DDX19B: variants seen among roughly 807,000 people sequenced by gnomAD.
DDX19B encodes DEAD-box helicase 19B.
In DDX19B, 27 loss-of-function variants were observed where a neutral mutation model predicts 58.1. That is an observed-to-expected ratio of 0.46 (90% CI 0.34 to 0.64). The LOEUF is 0.64. Among genes scored for constraint, DDX19B ranks in the 30% least tolerant of loss-of-function variants. The pLI is 0.01. For missense variants in DDX19B, 399 were observed against 596.5 expected (o/e 0.67, Z 3.45); for synonymous variants, 187 against 214.4 (o/e 0.87, Z 1.12).
intron 1 of DDX19B, among the ~76,000 whole-genome samples, chr16:70,300,248 C>A (rs1039460209): frequency 2.0e-5 from 3 of 152,004 alleles, no homozygotes; most frequent in African/African-American, 7.3e-5. Flanking sequence ...CTCTGTTGCC[C>A]AGGCTAGGGT....
chr16:70,294,648 T>A, upstream of DDX19B: 1 of 438,414 alleles, frequency 2.3e-6, no homozygotes, highest in Non-Finnish European at 4.0e-6. Context: ...AGCCAGACAT[T>A]TAGCAGGAAA....
In DDX19B at chr16:70,313,561, T is replaced by C. The variant is rs1377162502; in HGVS notation, c.106+904T>C. Among the ~76,000 whole-genome samples, 3 of 152,186 alleles carry C rather than the reference T, an allele frequency of 2.0e-5. No homozygotes were observed. In the East Asian group the frequency reaches 5.8e-4, roughly 29 times the overall value. ...ACTAATTACTAACCATCGGACTACA[T>C]TGACAAAGACTAATTTTTTTCTTAA... On this transcript the variant is annotated intron_variant, in intron 2 of 11. Coordinates refer to ENST00000288071, the MANE Select transcript of DDX19B (RefSeq NM_007242.7).
chr16:70,325,598 G>T lies in DDX19B; in HGVS notation c.517G>T (p.Glu173Ter). Reference protein sequence around the residue: ...PQCLCLSPTYELALQTGKVIE... With the variant: ...PQCLCLSPTY ...GTGTCTATGTCTCTCCCCAACGTAT[G>T]AGCTCGCCCTCCAAACAGGAAAAGT... Residue 173 changes from glutamate (E) to a stop codon, truncating the protein, a stop_gained, in exon 7 of 12, where the codon GAG becomes TAG. Transcript: ENST00000288071. LOFTEE classifies it high-confidence loss of function. 6.2e-7 allele frequency: 1 copy of T among 1,614,012 alleles called. No individual in the cohort carries two copies. Among genetic ancestry groups the T allele is most frequent in the Non-Finnish European group, 8.5e-7 (1 of 1,179,968 alleles).
intron 1 of DDX19B, 138 bp from the exon 2 acceptor site, chr16:70,312,471 C>G (rs1157588531): frequency 1.3e-6 from 1 of 744,762 alleles, no homozygotes; most frequent in East Asian, 2.8e-5. Flanking sequence ...AACGGAACAA[C>G]CCAATGAATT....
At chr16:70,321,020 T>A (rs1173423406) in intron 5 of DDX19B, among the ~76,000 whole-genome samples, 1 of 146,430 alleles carries the variant, frequency 6.8e-6, no homozygotes, top group African/African-American at 2.5e-5. Context: ...TGGAGTGCAA[T>A]GGCGCGATCT....
At chr16:70,315,658 T>C (rs1169933379) in intron 3 of DDX19B, 1 of 204,334 alleles carries the variant, frequency 4.9e-6, no homozygotes, top group Admixed American at 5.6e-5. Flanking sequence ...GCTACATTAA[T>C]TACTTTAGGT....
In DDX19B at chr16:70,335,042, G is replaced by A. The variant is rs145670600; in HGVS notation, c.*1460G>A. Reference sequence around the variant, plus strand: ...AGATCTGCCTCCTGGGAAGGGAAGGGGCCAATGTCAGCCTCCAGGTGATTT... The same window carrying A: ...AGATCTGCCTCCTGGGAAGGGAAGGAGCCAATGTCAGCCTCCAGGTGATTT... On this transcript the variant is annotated 3_prime_UTR_variant, in exon 12 of 12. Transcript: ENST00000288071. The A allele has an allele frequency of 6.6e-6, 1 of 152,186 alleles. No homozygotes were observed. Among genetic ancestry groups the A allele is most frequent in the African/African-American group, 2.4e-5 (1 of 41,500 alleles). 9.4% of individuals were successfully genotyped at this position (152,186 alleles called of 1,614,324 possible).
At chr16:70,307,228 A>G (rs1469748169) in intron 1 of DDX19B, among the ~76,000 whole-genome samples, 1 of 152,196 alleles carries the variant, frequency 6.6e-6, no homozygotes, top group Non-Finnish European at 1.5e-5. Context: ...ACTCGGGTAT[A>G]TATCTAGAAG....
chr16:70,332,541 T>C (rs1963534147), intron 10 of DDX19B, among the ~76,000 whole-genome samples: 1 of 152,166 alleles, frequency 6.6e-6, no homozygotes, highest in South Asian at 2.1e-4. Flanking sequence ...CCTCAGATGA[T>C]CTGCCTGCCT....
upstream of DDX19B, among the ~76,000 whole-genome samples, chr16:70,295,758 G>T (rs1961193674): frequency 6.6e-6 from 1 of 152,010 alleles, no homozygotes. Flanking sequence ...CCAGCTACTT[G>T]GGAAGCAGAG....
chr16:70,324,183 A>C (rs1963009502), intron 5 of DDX19B, among the ~76,000 whole-genome samples: 2 of 151,980 alleles, frequency 1.3e-5, no homozygotes, highest in Non-Finnish European at 2.9e-5. Context: ...GCAGAGAAGT[A>C]ATGTGAGCTG....
chr16:70,303,781 G>C (rs559402335), intron 1 of DDX19B, among the ~76,000 whole-genome samples: 3 of 151,496 alleles, frequency 2.0e-5, no homozygotes, highest in Non-Finnish European at 2.9e-5. Context: ...GGATGGTCTC[G>C]ACCTCCCGAT....
intron 1 of DDX19B, among the ~76,000 whole-genome samples, chr16:70,303,959 T>C (rs984981874): frequency 6.6e-6 from 1 of 152,208 alleles, no homozygotes; most frequent in Admixed American, 6.5e-5. Context: ...AGAAGTCTTA[T>C]AGTTTTAAAT....
intron 10 of DDX19B, among the ~76,000 whole-genome samples, chr16:70,332,213 A>G (rs905193573): frequency 3.3e-5 from 5 of 152,168 alleles, no homozygotes; most frequent in Non-Finnish European, 5.9e-5. Context: ...GGCACCTGCC[A>G]AAGTTTTGTT....
At chr16:70,329,791 G>A (rs779414681) in intron 8 of DDX19B, 40 bp from the exon 9 acceptor site, 26 of 1,612,236 alleles carry the variant, frequency 1.6e-5, no homozygotes, top group African/African-American at 6.7e-5. Flanking sequence ...GTCGCTTCCC[G>A]GGGCCACCTG....
At chr16:70,316,336 A>G (rs1034008665) in intron 4 of DDX19B, among the ~76,000 whole-genome samples, 2 of 151,922 alleles carry the variant, frequency 1.3e-5, no homozygotes, top group Non-Finnish European at 2.9e-5. Flanking sequence ...CAGCCTCCCA[A>G]GTAGCTGAGA....
At chr16:70,329,634 C>T (rs1018253593) in intron 8 of DDX19B, among the ~76,000 whole-genome samples, 165 bp downstream of exon 8, 9 of 152,132 alleles carry the variant, frequency 5.9e-5, no homozygotes, top group Non-Finnish European at 1.0e-4. Flanking sequence ...ACAGTCCCTC[C>T]CAGCCTGGGT....
chr16:70,316,345 G>A (rs565823585), intron 4 of DDX19B, among the ~76,000 whole-genome samples: 1 of 152,128 alleles, frequency 6.6e-6, no homozygotes, highest in African/African-American at 2.4e-5. Flanking sequence ...AAGTAGCTGA[G>A]ATTACAGGTG....
intron 1 of DDX19B, among the ~76,000 whole-genome samples, chr16:70,303,234 C>T (rs1961566477): frequency 6.6e-6 from 1 of 152,100 alleles, no homozygotes; most frequent in Non-Finnish European, 1.5e-5. Flanking sequence ...CTGAAACCTC[C>T]ACCTCCTGGG....
Sources: gnomAD v4.1 joint callset for allele counts (sites outside exome capture counted in the v4.1 genomes callset) on GRCh38, gnomAD v4.1.1 for gene constraint, MANE v1.5 for transcripts, NCBI Gene and HGNC (gene_info 2026-07-23, HGNC 2026-07-21) for gene names.